Variants in RGS5 observed in about 807,000 individuals in gnomAD.
RGS5 encodes regulator of G-protein signalling 5.
Under a neutral mutation model 18.9 loss-of-function variants are expected in RGS5, and 20 were observed. That is an observed-to-expected ratio of 1.06 (90% CI 0.74 to 1.54). RGS5 has a LOEUF of 1.54. RGS5 is among the 40% of genes most tolerant of loss of function. RGS5 has a pLI of 0.00. For synonymous variants in RGS5, 57 were observed against 76.2 expected (o/e 0.75, Z 1.31); for missense variants, 201 against 211.8 (o/e 0.95, Z 0.32).
chr1:163,311,053 T>C (rs1052771591), intron 1 of RGS5, among the ~76,000 whole-genome samples: 28 of 152,312 alleles, frequency 1.8e-4, no homozygotes, highest in African/African-American at 6.0e-4. Flanking sequence ...CCTTGATACA[T>C]GGGGATTATG....
chr1:163,175,395 A>G (rs911582784), intron 1 of RGS5, among the ~76,000 whole-genome samples: 5 of 152,142 alleles, frequency 3.3e-5, no homozygotes, highest in South Asian at 2.1e-4. Context: ...TTAAAACTTC[A>G]TATCAGTGGA....
At position 163,228,253 on chromosome 1, in the gene RGS5, C is replaced by T. The variant is rs570418465; in HGVS notation, c.-280-59885G>A. 1.1e-3 allele frequency among the ~76,000 whole-genome samples: 162 copies of T among 152,346 alleles called. No individual in the cohort carries two copies. In the Middle Eastern group the frequency reaches 0.02, roughly 19 times the overall value. On this transcript the variant is annotated intron_variant, in intron 2 of 5. Transcript: ENST00000618415. Reference sequence around the variant, plus strand: ...CTCTGCCCCTGCAGCAGACTTCTGCCTGTACATCCAGGCATTTCCACACAT... The same window carrying T: ...CTCTGCCCCTGCAGCAGACTTCTGCTTGTACATCCAGGCATTTCCACACAT...
At chr1:163,158,560 A>G (rs2102391) in intron 3 of RGS5, among the ~76,000 whole-genome samples, 119,061 of 152,030 alleles carry the variant, frequency 0.78, 46,953 homozygotes, top group East Asian at 0.9. Context: ...AGCAGGTTCC[A>G]TAATGCCCCT....
intron 1 of RGS5, among the ~76,000 whole-genome samples, chr1:163,176,547 G>C (rs977172401): frequency 6.6e-6 from 1 of 151,780 alleles, no homozygotes; most frequent in African/African-American, 2.4e-5. Flanking sequence ...CTTGAACCCA[G>C]GAGGTGGAGG....
chr1:163,188,697 C>T (rs1294316026), intron 1 of RGS5, among the ~76,000 whole-genome samples: 1 of 152,128 alleles, frequency 6.6e-6, no homozygotes, highest in Non-Finnish European at 1.5e-5. Context: ...TAGTGGCTCA[C>T]GCCTGTAATC....
chr1:163,302,919 G>T (rs1649590230), intron 2 of RGS5, among the ~76,000 whole-genome samples: 1 of 152,040 alleles, frequency 6.6e-6, no homozygotes, highest in Non-Finnish European at 1.5e-5. Context: ...TATTTCTCAT[G>T]AACTCATCAC....
At chr1:163,269,593 A>C (rs979050730) in intron 2 of RGS5, among the ~76,000 whole-genome samples, 1 of 152,134 alleles carries the variant, frequency 6.6e-6, no homozygotes, top group Non-Finnish European at 1.5e-5. Flanking sequence ...CTTATCATCA[A>C]AGTAGGACCA....
At chr1:163,150,491 T>C (rs10917684) in intron 4 of RGS5, among the ~76,000 whole-genome samples, 1 of 151,934 alleles carries the variant, frequency 6.6e-6, no homozygotes, top group African/African-American at 2.4e-5. Flanking sequence ...CAATTTAATG[T>C]TAAATTAATC....
At chr1:163,244,012 T>G (rs960566296) in intron 2 of RGS5, among the ~76,000 whole-genome samples, 3 of 152,242 alleles carry the variant, frequency 2.0e-5, no homozygotes, top group African/African-American at 7.2e-5. Context: ...TGTTAAACAT[T>G]AAATGTAATA....
intron 2 of RGS5, among the ~76,000 whole-genome samples, chr1:163,228,656 C>T (rs1647395117): frequency 6.6e-6 from 1 of 152,216 alleles, no homozygotes; most frequent in African/African-American, 2.4e-5. Context: ...TTGAATTTCT[C>T]CCCAGAAAAT....
chr1:163,272,391 C>A (rs1278259330), intron 2 of RGS5, among the ~76,000 whole-genome samples: 2 of 152,036 alleles, frequency 1.3e-5, no homozygotes, highest in Admixed American at 6.6e-5. Flanking sequence ...TCCTTTGAGG[C>A]ACAAAAGTTC....
At chr1:163,227,227 G>T (rs1647358253) in intron 2 of RGS5, among the ~76,000 whole-genome samples, 1 of 152,152 alleles carries the variant, frequency 6.6e-6, no homozygotes, top group Admixed American at 6.5e-5. Flanking sequence ...AGCTGTATTT[G>T]CTGTTCTCAT....
At chr1:163,245,479 A>G (rs1647903525) in intron 2 of RGS5, among the ~76,000 whole-genome samples, 1 of 152,228 alleles carries the variant, frequency 6.6e-6, no homozygotes, top group African/African-American at 2.4e-5. Flanking sequence ...CATTGACATC[A>G]TTTTGCTTTC....
chr1:163,152,225 T>C (rs536958342), intron 4 of RGS5, among the ~76,000 whole-genome samples: 19 of 152,298 alleles, frequency 1.2e-4, no homozygotes, highest in African/African-American at 4.3e-4. Flanking sequence ...CTCCATAAAG[T>C]AGTCTCCATT....
In RGS5 at chr1:163,145,010, T is replaced by C. The variant is rs1055488341; in HGVS notation, c.*2332A>G. Reference sequence around the variant, plus strand: ...ATAGATATATGTAGATATATAGATATAATGTCACAATATCACTATAAGGCA... The same window carrying C: ...ATAGATATATGTAGATATATAGATACAATGTCACAATATCACTATAAGGCA... On this transcript the variant is annotated 3_prime_UTR_variant, in exon 5 of 5. Transcript: ENST00000313961. 4 of 152,204 alleles carry C rather than the reference T, an allele frequency of 2.6e-5. No homozygotes were observed. Among genetic ancestry groups the C allele is most frequent in the Admixed American group, 6.5e-5 (1 of 15,274 alleles). 9.4% of individuals were successfully genotyped at this position (152,204 alleles called of 1,614,324 possible). A position where few individuals can be genotyped will look rare whatever the true frequency, so the allele number is the denominator to read the frequency against.
At chr1:163,229,900 C>G (rs1397775266) in intron 2 of RGS5, among the ~76,000 whole-genome samples, 1 of 151,984 alleles carries the variant, frequency 6.6e-6, no homozygotes, top group Non-Finnish European at 1.5e-5. Flanking sequence ...TCCCAGCATC[C>G]TCCAGATACC....
intron 2 of RGS5, among the ~76,000 whole-genome samples, chr1:163,292,387 T>C (rs1649311235): frequency 6.6e-6 from 1 of 152,220 alleles, no homozygotes; most frequent in Non-Finnish European, 1.5e-5. Context: ...CCGTGGTGTA[T>C]ATGTACCACA....
intron 2 of RGS5, among the ~76,000 whole-genome samples, chr1:163,222,804 G>GT (rs1489682114): frequency 6.6e-6 from 1 of 152,038 alleles, no homozygotes; most frequent in African/African-American, 2.4e-5. Context: ...CAGAACTGTA[G>GT]TTTTTCCTGT....
At chr1:163,227,669 C>T (rs1381394419) in intron 2 of RGS5, among the ~76,000 whole-genome samples, 1 of 151,132 alleles carries the variant, frequency 6.6e-6, no homozygotes, top group Admixed American at 6.6e-5. Context: ...TTCATTCTAG[C>T]ATTCACTCAA....
Sources: allele counts gnomAD v4.1 joint callset (sites outside exome capture counted in the v4.1 genomes callset), GRCh38; gene constraint gnomAD v4.1.1; transcripts MANE v1.5; gene names NCBI Gene and HGNC (gene_info 2026-07-23, HGNC 2026-07-21).